Variants in SHC2 observed in about 807,000 individuals in gnomAD.
SHC2 encodes SHC adaptor protein 2.
In SHC2, 62 loss-of-function variants were observed where a neutral mutation model predicts 60.6. The ratio of observed to expected loss-of-function variants is 1.02; its 90% CI spans 0.83 to 1.26. SHC2 has a LOEUF of 1.26. Among genes scored for constraint, SHC2 ranks in the 50% most tolerant of loss-of-function variants. The probability of loss-of-function intolerance (pLI) is 0.00; values close to 1 mark genes in which losing one functional copy is unlikely to be tolerated. For missense variants in SHC2, 873 were observed against 822.2 expected (o/e 1.06, Z -0.76); for synonymous variants, 375 against 372.4 (o/e 1.01, Z -0.08).
Position 441,018 on chromosome 19 carries a change from C to T in SHC2, c.469-86G>A. 6.5e-7 allele frequency: 1 copy of T among 1,543,436 alleles called. No homozygotes were observed. Among genetic ancestry groups the T allele is most frequent in the Non-Finnish European group, 8.9e-7 (1 of 1,121,114 alleles). ...TTTCCCAGCAGCCCTTCGCCGCCTC[C>T]ACCACCCCTGGGGTCGAGCCCTTTC... On this transcript the variant is annotated intron_variant, in intron 1 of 12. Transcript: ENST00000264554. This position sits in a 1 kb window ranked among gnomAD's most constrained non-coding sequence, Gnocchi z 4.9.
At chr19:436,073 G>T in intron 7 of SHC2, 92 bp downstream of exon 7, 3 of 1,403,994 alleles carry the variant, frequency 2.1e-6, no homozygotes, top group Non-Finnish European at 2.9e-6. Flanking sequence ...GGGCAGGACG[G>T]AGGCTGAGGC....
At chr19:436,877 C>T (rs1361769128) in intron 4 of SHC2, among the ~76,000 whole-genome samples, 194 bp from the exon 5 acceptor site, 1 of 152,126 alleles carries the variant, frequency 6.6e-6, no homozygotes, top group African/African-American at 2.4e-5. Context: ...GTGGAGTCCC[C>T]AGCAAGGAAG....
Position 418,206 on chromosome 19 carries a change from G to A in SHC2, c.*5+717C>T, listed in dbSNP as rs900220135. Among the ~76,000 whole-genome samples the A allele has an allele frequency of 1.1e-4, 17 of 152,170 alleles. No homozygotes were observed. In the South Asian group the frequency reaches 2.7e-3, roughly 24 times the overall value. On this transcript the variant is annotated intron_variant, in intron 12 of 12. Transcript: ENST00000264554. ...GTCTTCTCACTGCCTGGGCTCACACGCCAGCCCCTGCCTGTCCCAGCCCAC... is the reference window on the plus strand; with the variant it reads ...GTCTTCTCACTGCCTGGGCTCACACACCAGCCCCTGCCTGTCCCAGCCCAC...
intron 1 of SHC2, among the ~76,000 whole-genome samples, chr19:447,553 C>T (rs1338472147): frequency 6.6e-6 from 1 of 152,190 alleles, no homozygotes; most frequent in African/African-American, 2.4e-5. Flanking sequence ...CCGAGGCGGG[C>T]GGCTCACCTG....
intron 9 of SHC2, among the ~76,000 whole-genome samples, chr19:429,063 CA>C (rs1181262523): frequency 7.1e-6 from 1 of 140,764 alleles, no homozygotes; most frequent in East Asian, 2.2e-4. Context: ...TCCCAACATG[CA>C]CAGAAACCTC....
At chr19:458,589 G>A in intron 1 of SHC2, among the ~76,000 whole-genome samples, 1 of 143,222 alleles carries the variant, frequency 7.0e-6, no homozygotes, top group Non-Finnish European at 1.5e-5. Flanking sequence ...GCGGGTTCCG[G>A]GGGACGGGGA....
chr19:427,936 G>A (rs1259948936), intron 9 of SHC2, among the ~76,000 whole-genome samples: 2 of 151,700 alleles, frequency 1.3e-5, no homozygotes, highest in South Asian at 2.1e-4. Flanking sequence ...ACAGGAAAAG[G>A]GAGGCCACAT....
chr19:435,145 G>A (rs1008247941), intron 7 of SHC2, among the ~76,000 whole-genome samples: 2 of 152,234 alleles, frequency 1.3e-5, no homozygotes, highest in East Asian at 1.9e-4. Flanking sequence ...CTCCGGCCCC[G>A]CCCGGCAGCA....
At chr19:426,379 G>A (rs1974417627) in intron 9 of SHC2, among the ~76,000 whole-genome samples, 1 of 149,652 alleles carries the variant, frequency 6.7e-6, no homozygotes, top group African/African-American at 2.5e-5. Flanking sequence ...AGTCCGGGGA[G>A]GGAGGACGAC....
intron 2 of SHC2, chr19:439,301 T>A: frequency 1.9e-6 from 1 of 528,482 alleles, no homozygotes; most frequent in Non-Finnish European, 3.4e-6. Flanking sequence ...CGTCCTTGCA[T>A]CCGGCAGAGG....
intron 9 of SHC2, among the ~76,000 whole-genome samples, chr19:427,819 G>A (rs1196513583): frequency 3.4e-5 from 4 of 118,550 alleles, no homozygotes; most frequent in Non-Finnish European, 6.9e-5. Flanking sequence ...GGAAGGGGGC[G>A]GCACAGGGAA....
At chr19:451,007 G>GTCA in intron 1 of SHC2, among the ~76,000 whole-genome samples, 1 of 134,048 alleles carries the variant, frequency 7.5e-6, no homozygotes, top group African/African-American at 3.1e-5. Context: ...TGGCTGTGCC[G>GTCA]TATTTCAGCG....
At chr19:418,233 G>A (rs1034701554) in intron 12 of SHC2, among the ~76,000 whole-genome samples, 3 of 152,132 alleles carry the variant, frequency 2.0e-5, no homozygotes, top group African/African-American at 7.2e-5. Flanking sequence ...CCAGCCCACC[G>A]TCCTCTCCGG....
intron 12 of SHC2, among the ~76,000 whole-genome samples, chr19:418,609 G>A (rs1342539202): frequency 6.6e-6 from 1 of 152,210 alleles, no homozygotes; most frequent in Non-Finnish European, 1.5e-5. Flanking sequence ...AGACACAGAA[G>A]GACACACAGC....
At chr19:418,197 G>A (rs1228539043) in intron 12 of SHC2, among the ~76,000 whole-genome samples, 1 of 152,254 alleles carries the variant, frequency 6.6e-6, no homozygotes, top group African/African-American at 2.4e-5. Context: ...TCACTGCCTG[G>A]GCTCACACGC....
intron 12 of SHC2, among the ~76,000 whole-genome samples, chr19:417,781 T>C (rs1019532074): frequency 5.3e-5 from 8 of 151,984 alleles, no homozygotes; most frequent in East Asian, 1.9e-4. Flanking sequence ...GCCCCTGCCA[T>C]ACCCGGAGCC....
At position 440,780 on chromosome 19, in the gene SHC2, C is replaced by T. The variant is rs1974843901; in HGVS notation, c.539+82G>A. On this transcript the variant is annotated intron_variant, in intron 2 of 12. Coordinates refer to ENST00000264554, the MANE Select transcript of SHC2 (RefSeq NM_012435.3). This position sits in a 1 kb window ranked among gnomAD's most constrained non-coding sequence, Gnocchi z 7.0. ...GGACCCCAGCGCGGCTGTCGGAGAG[C>T]CCATCGCTGCCGCCCTCCAGTGCTG... is the stretch of plus-strand genomic sequence containing the variant. The T allele has an allele frequency of 8.1e-7, 1 of 1,230,478 alleles. No individual in the cohort carries two copies. Among genetic ancestry groups the T allele is most frequent in the Non-Finnish European group, 1.2e-6 (1 of 837,230 alleles). The allele number at this position is 1,230,478 out of a possible 1,614,324, so 76.2% of individuals were successfully genotyped here.
At chr19:456,833 T>A in intron 1 of SHC2, among the ~76,000 whole-genome samples, 1 of 120,292 alleles carries the variant, frequency 8.3e-6, no homozygotes, top group Non-Finnish European at 1.7e-5. Context: ...TGCCCCTGCC[T>A]GGAACTCTGT....
At position 422,165 on chromosome 19, in the gene SHC2, A is replaced by G. The variant is rs750831732; in HGVS notation, c.1601T>C (p.Leu534Pro). Residue 534 changes from leucine (L) to proline (P), a missense_variant, in exon 11 of 13, where the codon CTC becomes CCC. By Grantham distance (98) the Leu-to-Pro change is moderately conservative. Transcript: ENST00000264554. The surrounding 1 kb of genome is among the most constrained non-coding windows in gnomAD (Gnocchi z 5.0). ...MHAGQPKHLL[L>P]VDPEGVVRTK... Reference sequence around the variant, plus strand: ...GCTTACCACGCCCTCGGGGTCCACGAGCAGCAGGTGCTTGGGCTGCCCGGC... The same window carrying G: ...GCTTACCACGCCCTCGGGGTCCACGGGCAGCAGGTGCTTGGGCTGCCCGGC... The G allele has an allele frequency of 1.2e-6, 2 of 1,610,768 alleles. No individual in the cohort carries two copies. The highest frequency in any genetic ancestry group is 1.7e-5 in the Admixed American group (1 of 59,866).
Sources: allele counts gnomAD v4.1 joint callset (sites outside exome capture counted in the v4.1 genomes callset), GRCh38; gene constraint gnomAD v4.1.1; non-coding constraint Gnocchi (gnomAD v3.1); transcripts MANE v1.5; gene names NCBI Gene and HGNC (gene_info 2026-07-23, HGNC 2026-07-21).